WEE1: variants seen among roughly 807,000 people sequenced by gnomAD.
The protein encoded by WEE1 is wee1-like protein kinase.
A neutral mutation model predicts 68.8 loss-of-function variants in WEE1; 16 were observed. The ratio of observed to expected loss-of-function variants is 0.23; its 90% CI spans 0.16 to 0.35. The LOEUF (loss-of-function observed/expected upper bound fraction) is 0.35, where lower values mean the gene tolerates loss of function less well. WEE1 is among the 10% of genes least tolerant of loss of function. WEE1 has a pLI of 1.00. For missense variants in WEE1, 651 were observed against 824.1 expected, an observed-to-expected ratio of 0.79 and a Z score of 2.57; for synonymous variants, 349 against 318.7, an observed-to-expected ratio of 1.09 and a Z score of -1.01.
At chr11:9,575,780 T>G (rs1849558758) in intron 1 of WEE1, 108 bp from the exon 2 acceptor site, 1 of 898,180 alleles carries the variant, frequency 1.1e-6, no homozygotes, top group African/African-American at 1.7e-5. Flanking sequence ...TGTGTGTTGC[T>G]TTCACCTACG....
At chr11:9,581,803 A>G (rs1849631154) in intron 6 of WEE1, 125 bp downstream of exon 6, 3 of 914,976 alleles carry the variant, frequency 3.3e-6, no homozygotes, top group Non-Finnish European at 4.8e-6. Flanking sequence ...AAGGCCTTAG[A>G]TCCACTTACC....
rs1849542509 is a variant in WEE1, at chr11:9,574,555, C to T, written c.576+46C>T. ...CACCCGGCGGCCGGGGCCGCGGCGC[C>T]GGAGGGGCCAGCGCCGCTGCCTGGG... On this transcript the variant is annotated intron_variant, in intron 1 of 10. Coordinates refer to ENST00000450114, the MANE Select transcript of WEE1 (RefSeq NM_003390.4). The surrounding 1 kb of genome is among the most constrained non-coding windows in gnomAD (Gnocchi z 4.9). The T allele has an allele frequency of 4.3e-6, 5 of 1,159,346 alleles. No individual in the cohort carries two copies. Among genetic ancestry groups the T allele is most frequent in the African/African-American group, 1.7e-5 (1 of 60,246 alleles). The allele number at this position is 1,159,346 out of a possible 1,614,324, so 71.8% of individuals were successfully genotyped here. A position where few individuals can be genotyped will look rare whatever the true frequency, so the allele number is the denominator to read the frequency against.
rs7945514 is a variant in WEE1 at position 9,577,564 on chromosome 11, G to C, written c.1141+301G>C. ...GTGTCCGTAGTACCTAGCGTAGTGT[G>C]TGAAGCATATAGTATTATGAAGTGT... On this transcript the variant is annotated intron_variant, in intron 5 of 10. Coordinates refer to ENST00000450114, the MANE Select transcript of WEE1 (RefSeq NM_003390.4). 1,196 of 353,126 alleles carry C rather than the reference G, an allele frequency of 3.4e-3. 17 individuals carry two copies. Among genetic ancestry groups the C allele is most frequent in the African/African-American group, 0.024 (1,124 of 47,324 alleles). 21.9% of individuals were successfully genotyped at this position (353,126 alleles called of 1,614,324 possible).
At chr11:9,579,648 T>TA (rs972429579) in intron 5 of WEE1, 16 of 152,190 alleles carry the variant, frequency 1.1e-4, no homozygotes, top group Non-Finnish European at 2.2e-4. Flanking sequence ...CTGGACCTGC[T>TA]AAAAAAGAGA....
rs901089152 is a variant in WEE1, at chr11:9,576,520, C to A, written c.880C>A (p.Arg294=). The change falls in exon 4 of 11, where the codon CGG becomes AGG. Residue 294 remains arginine (R), a synonymous_variant. Coordinates refer to ENST00000450114, the MANE Select transcript of WEE1 (RefSeq NM_003390.4). This position sits in a 1 kb window ranked among gnomAD's most constrained non-coding sequence, Gnocchi z 4.3. The part of the protein sequence containing the change: ...ITITESNMKS[R]YTTEFHELEK... ...AATTACTGAAAGCAATATGAAGTCC[C>A]GGTATACAACAGAATTTCATGAGCT... 2 of 1,613,252 alleles carry A rather than the reference C, an allele frequency of 1.2e-6. No individual in the cohort carries two copies. Among genetic ancestry groups the A allele is most frequent in the African/African-American group, 1.3e-5 (1 of 74,932 alleles).
chr11:9,579,997 A>T (rs1192043738), intron 5 of WEE1: 3 of 152,214 alleles, frequency 2.0e-5, no homozygotes, highest in Non-Finnish European at 4.4e-5. Context: ...TTGAGATGAA[A>T]TACAAACTTT....
At position 9,586,696 on chromosome 11, in the gene WEE1, A is replaced by C. The variant is rs777211702; in HGVS notation, c.1642-15A>C. ...AAATGCATGTCTTTACCTTCATTTT[A>C]CTTTTCTTTTTAAGGTTATGATTCA... On this transcript the variant is annotated splice_polypyrimidine_tract_variant and intron_variant, in intron 9 of 10. Transcript: ENST00000450114. 4.3e-5 allele frequency: 69 copies of C among 1,610,750 alleles called. 1 individual carries two copies. The highest frequency in any genetic ancestry group is 1.1e-5 in the Non-Finnish European group (13 of 1,179,272).
Position 9,588,828 on chromosome 11 carries a change from G to C in WEE1, c.*226G>C. 5 of 1,125,114 alleles carry C rather than the reference G, an allele frequency of 4.4e-6. No individual in the cohort carries two copies. The highest frequency in any genetic ancestry group is 5.5e-6 in the Non-Finnish European group (5 of 917,370). 69.7% of individuals were successfully genotyped at this position (1,125,114 alleles called of 1,614,324 possible). ...TCTGTAGGATGTGTCACTGTTGGAT[G>C]TTACACCAGCCTTTCCAGGGTTAAC... On this transcript the variant is annotated 3_prime_UTR_variant, in exon 11 of 11. Coordinates refer to ENST00000450114, the MANE Select transcript of WEE1 (RefSeq NM_003390.4).
chr11:9,573,909 C>G lies in WEE1; in HGVS notation c.-25C>G. 1.6e-6 allele frequency: 2 copies of G among 1,246,366 alleles called. No homozygotes were observed. The highest frequency in any genetic ancestry group is 2.0e-6 in the Non-Finnish European group (2 of 996,318). The allele number at this position is 1,246,366 out of a possible 1,614,324, so 77.2% of individuals were successfully genotyped here. The stretch of plus-strand genomic sequence containing the variant: ...ACCCCGCAGGCCTCCGCTCTCCTGT[C>G]CTCGGCCCCGTCCCCAGGGCCGCGA... On this transcript the variant is annotated 5_prime_UTR_variant, in exon 1 of 11. Transcript: ENST00000450114.
Position 9,574,290 on chromosome 11 carries a change from C to A in WEE1, c.357C>A (p.Phe119Leu), listed in dbSNP as rs574152454. 1 of 1,256,820 alleles carries A rather than the reference C, an allele frequency of 8.0e-7. No individual in the cohort carries two copies. The highest frequency in any genetic ancestry group is 1.0e-6 in the Non-Finnish European group (1 of 1,000,708). The allele number at this position is 1,256,820 out of a possible 1,614,324, so 77.9% of individuals were successfully genotyped here. Residue 119 changes from phenylalanine to leucine, a missense_variant, in exon 1 of 11, where the codon TTC becomes TTA. Physicochemically the swap from Phe to Leu is conservative, Grantham distance 22 (BLOSUM62 0). Coordinates refer to ENST00000450114, the MANE Select transcript of WEE1 (RefSeq NM_003390.4). This position sits in a 1 kb window ranked among gnomAD's most constrained non-coding sequence, Gnocchi z 4.9. ...AEGDSWEEEG[F>L]GSSSPVKSPA... is the part of the protein sequence containing the mutation. ...GCGACTCGTGGGAGGAGGAGGGCTTCGGCTCCTCGTCGCCGGTCAAGTCGC... is the reference window on the plus strand; with the variant it reads ...GCGACTCGTGGGAGGAGGAGGGCTTAGGCTCCTCGTCGCCGGTCAAGTCGC...
intron 6 of WEE1, 79 bp downstream of exon 6, chr11:9,581,757 AATAT>A (rs1336574379): frequency 7.3e-7 from 1 of 1,369,626 alleles, no homozygotes; most frequent in Admixed American, 2.5e-5. Context: ...ACATTGAAAA[AATAT>A]ATATCTTCTG....
rs1319008930 is a variant in WEE1, at chr11:9,589,393, T to G, written c.*791T>G. ...TTACTGGTTTTGTAACTTGTTCTGG[T>G]AATGTCCTTCCCGGACTCTTTTTAA... On this transcript the variant is annotated 3_prime_UTR_variant, in exon 11 of 11. Coordinates refer to ENST00000450114, the MANE Select transcript of WEE1 (RefSeq NM_003390.4). 1 of 984,928 alleles carries G rather than the reference T, an allele frequency of 1.0e-6. No individual in the cohort carries two copies. The highest frequency in any genetic ancestry group is 1.2e-6 in the Non-Finnish European group (1 of 829,604). The allele number at this position is 984,928 out of a possible 1,614,324, so 61.0% of individuals were successfully genotyped here.
chr11:9,577,276 A>G lies in WEE1; in HGVS notation c.1141+13A>G. On this transcript the variant is annotated intron_variant, in intron 5 of 10. Transcript: ENST00000450114. ...GAATATTGTAATGGTGAGTGATGTA[A>G]TGGTTTTCTTGTGAGCTTGAGAAAA... 1.2e-6 allele frequency: 2 copies of G among 1,607,858 alleles called. No individual in the cohort carries two copies. Among genetic ancestry groups the G allele is most frequent in the Non-Finnish European group, 1.7e-6 (2 of 1,178,006 alleles).
intron 5 of WEE1, chr11:9,579,221 C>T (rs546177025): frequency 6.6e-6 from 1 of 152,316 alleles, no homozygotes; most frequent in African/African-American, 2.4e-5. Context: ...AGGACTGCCT[C>T]TTTGTGTGGC....
At position 9,574,877 on chromosome 11, in the gene WEE1, G is replaced by A. The variant is rs1053342443; in HGVS notation, c.576+368G>A. 1 of 987,072 alleles carries A rather than the reference G, an allele frequency of 1.0e-6. No individual in the cohort carries two copies. Among genetic ancestry groups the A allele is most frequent in the Non-Finnish European group, 1.2e-6 (1 of 831,166 alleles). 61.1% of individuals were successfully genotyped at this position (987,072 alleles called of 1,614,324 possible). A position where few individuals can be genotyped will look rare whatever the true frequency, so the allele number is the denominator to read the frequency against. Reference sequence around the variant, plus strand: ...CGGCCCGGCCACCTGACACTCCCGAGCCATAGGATGCCTTTTAAACGCGGC... The same window carrying A: ...CGGCCCGGCCACCTGACACTCCCGAACCATAGGATGCCTTTTAAACGCGGC... On this transcript the variant is annotated intron_variant, in intron 1 of 10. Coordinates refer to ENST00000450114, the MANE Select transcript of WEE1 (RefSeq NM_003390.4). This position sits in a 1 kb window ranked among gnomAD's most constrained non-coding sequence, Gnocchi z 4.9.
intron 5 of WEE1, chr11:9,580,646 C>T (rs986860023): frequency 1.3e-5 from 2 of 151,876 alleles, no homozygotes; most frequent in African/African-American, 4.8e-5. Context: ...TTAGTAGAAA[C>T]GGGGTTTCGC....
At position 9,576,139 on chromosome 11, in the gene WEE1, T is replaced by G; in HGVS notation, c.782+46T>G. 2.5e-6 allele frequency: 4 copies of G among 1,611,098 alleles called. No homozygotes were observed. Among genetic ancestry groups the G allele is most frequent in the Non-Finnish European group, 3.4e-6 (4 of 1,177,752 alleles). On this transcript the variant is annotated intron_variant, in intron 2 of 10. Coordinates refer to ENST00000450114, the MANE Select transcript of WEE1 (RefSeq NM_003390.4). The surrounding 1 kb of genome is among the most constrained non-coding windows in gnomAD (Gnocchi z 4.3). ...TTTGGTTCTCCAAATAACCTAAGATTGGTTTGGTATACTTATCAAAATTTA... is the reference window on the plus strand; with the variant it reads ...TTTGGTTCTCCAAATAACCTAAGATGGGTTTGGTATACTTATCAAAATTTA...
Position 9,576,353 on chromosome 11 carries a change from T to A in WEE1, c.846+60T>A. ...TACTTTTCTGCCACTTAAAGCATGCTATGAATATGTTAATAAGCATTAACA... is the reference window on the plus strand; with the variant it reads ...TACTTTTCTGCCACTTAAAGCATGCAATGAATATGTTAATAAGCATTAACA... On this transcript the variant is annotated intron_variant, in intron 3 of 10. Coordinates refer to ENST00000450114, the MANE Select transcript of WEE1 (RefSeq NM_003390.4). This position sits in a 1 kb window ranked among gnomAD's most constrained non-coding sequence, Gnocchi z 4.3. 1 of 1,536,242 alleles carries A rather than the reference T, an allele frequency of 6.5e-7. No homozygotes were observed. The highest frequency in any genetic ancestry group is 8.8e-7 in the Non-Finnish European group (1 of 1,137,092).
intron 6 of WEE1, among the ~76,000 whole-genome samples, chr11:9,584,969 G>T (rs1305459207): frequency 6.6e-6 from 1 of 152,148 alleles, no homozygotes; most frequent in African/African-American, 2.4e-5. Context: ...CTACTCAGGA[G>T]GTTGAATGAA....
Sources: gnomAD v4.1 joint callset for allele counts (sites outside exome capture counted in the v4.1 genomes callset) on GRCh38, gnomAD v4.1.1 for gene constraint, Gnocchi (gnomAD v3.1) non-coding constraint, MANE v1.5 for transcripts, NCBI Gene and HGNC (gene_info 2026-07-23, HGNC 2026-07-21) for gene names.